THEMIS: variants seen among roughly 807,000 people sequenced by gnomAD.
THEMIS encodes thymocyte selection associated.
In THEMIS, 37 loss-of-function variants were observed where a neutral mutation model predicts 52.6. That is an observed-to-expected ratio of 0.70 (90% CI 0.54 to 0.93). THEMIS has a LOEUF of 0.93. Among genes scored for constraint, THEMIS ranks in the 40% least tolerant of loss-of-function variants. THEMIS has a pLI of 0.00. For missense variants in THEMIS, 808 were observed against 763.1 expected (o/e 1.06, Z -0.69); for synonymous variants, 292 against 272.7 (o/e 1.07, Z -0.70).
intron 4 of THEMIS, among the ~76,000 whole-genome samples, chr6:127,752,963 A>T (rs1480998820): frequency 6.6e-6 from 1 of 151,936 alleles, no homozygotes; most frequent in East Asian, 1.9e-4. Context: ...TTTAAAAATC[A>T]TTCACTATGA....
At chr6:127,772,446 A>T (rs1422132863) in intron 4 of THEMIS, among the ~76,000 whole-genome samples, 1 of 152,018 alleles carries the variant, frequency 6.6e-6, no homozygotes, top group Non-Finnish European at 1.5e-5. Flanking sequence ...TTTCTCCTCA[A>T]CATACAATGG....
At chr6:127,757,067 T>C (rs1457451010) in intron 4 of THEMIS, among the ~76,000 whole-genome samples, 4 of 152,234 alleles carry the variant, frequency 2.6e-5, no homozygotes, top group East Asian at 3.8e-4. Context: ...AAAAATGTTC[T>C]ATATCTGTTT....
intron 1 of THEMIS, among the ~76,000 whole-genome samples, chr6:127,916,950 C>T (rs980085318): frequency 2.6e-5 from 4 of 152,178 alleles, no homozygotes; most frequent in Admixed American, 2.6e-4. Context: ...GGACAGTACA[C>T]TTAGGCTCAA....
chr6:127,888,419 G>C (rs1218592002), intron 1 of THEMIS, among the ~76,000 whole-genome samples: 1 of 152,062 alleles, frequency 6.6e-6, no homozygotes, highest in African/African-American at 2.4e-5. Flanking sequence ...GAACTAAGGG[G>C]ATAAATGGAA....
chr6:127,776,534 C>G (rs952896610), intron 4 of THEMIS, among the ~76,000 whole-genome samples: 1 of 152,146 alleles, frequency 6.6e-6, no homozygotes, highest in African/African-American at 2.4e-5. Flanking sequence ...AAAGTAGAAC[C>G]CCTCTGAGTC....
chr6:127,731,406 T>C (rs1383086009), intron 4 of THEMIS, among the ~76,000 whole-genome samples: 1 of 152,092 alleles, frequency 6.6e-6, no homozygotes, highest in African/African-American at 2.4e-5. Context: ...AACAGAACTC[T>C]CATGCAACTT....
intron 4 of THEMIS, among the ~76,000 whole-genome samples, chr6:127,762,398 T>C (rs1776051222): frequency 6.6e-6 from 1 of 152,096 alleles, no homozygotes; most frequent in African/African-American, 2.4e-5. Context: ...TCATGTCTTC[T>C]TACCAGAACT....
At chr6:127,752,089 G>A (rs970856765) in intron 4 of THEMIS, among the ~76,000 whole-genome samples, 1 of 151,476 alleles carries the variant, frequency 6.6e-6, no homozygotes, top group Non-Finnish European at 1.5e-5. Context: ...AATCAAAAGG[G>A]ATATCAAAAC....
chr6:127,724,063 G>A (rs1286687078), intron 4 of THEMIS, among the ~76,000 whole-genome samples: 1 of 151,946 alleles, frequency 6.6e-6, no homozygotes, highest in African/African-American at 2.4e-5. Context: ...GTTATCAGTG[G>A]CCAGTATATA....
intron 4 of THEMIS, among the ~76,000 whole-genome samples, chr6:127,785,105 TCTAC>T (rs773650705): frequency 3.9e-5 from 6 of 151,940 alleles, no homozygotes; most frequent in Non-Finnish European, 7.4e-5. Flanking sequence ...CTGTCATCTA[TCTAC>T]CTACCTAATC....
intron 3 of THEMIS, among the ~76,000 whole-genome samples, chr6:127,825,606 G>A (rs892026827): frequency 3.9e-5 from 6 of 152,186 alleles, no homozygotes; most frequent in Non-Finnish European, 7.3e-5. Context: ...GAAATAGCTA[G>A]TCAACACAGA....
Position 127,829,917 on chromosome 6 carries a change from C to T in THEMIS, c.268G>A (p.Ala90Thr). Residue 90 changes from alanine to threonine, a missense_variant, in exon 3 of 6, where the codon GCT becomes ACT. Ala to Thr is a moderately conservative substitution (Grantham distance 58). Coordinates refer to ENST00000368248, the MANE Select transcript of THEMIS (RefSeq NM_001010923.3). ...MNFPGLFKIV[A>T]DKTPYLTMEE... ...ATAGTAAGGTATGGAGTTTTATCAG[C>T]CACAATCTTAAAAAGACCTAAGAAC... is the stretch of plus-strand genomic sequence containing the variant. 6.2e-7 allele frequency: 1 copy of T among 1,609,634 alleles called. No homozygotes were observed. Among genetic ancestry groups the T allele is most frequent in the South Asian group, 1.1e-5 (1 of 90,406 alleles).
intron 1 of THEMIS, among the ~76,000 whole-genome samples, chr6:127,865,129 C>A (rs1210716761): frequency 6.6e-6 from 1 of 152,152 alleles, no homozygotes; most frequent in Admixed American, 6.6e-5. Context: ...ACCTTAACTA[C>A]TAAATATGCA....
intron 1 of THEMIS, among the ~76,000 whole-genome samples, chr6:127,899,182 T>A (rs1781060191): frequency 1.3e-5 from 2 of 151,880 alleles, no homozygotes; most frequent in Non-Finnish European, 2.9e-5. Context: ...TCCCCATTAC[T>A]CTGACTTGAT....
chr6:127,898,201 A>G (rs542792070), intron 1 of THEMIS, among the ~76,000 whole-genome samples: 1 of 151,876 alleles, frequency 6.6e-6, no homozygotes, highest in East Asian at 1.9e-4. Context: ...ATGTGTTTAC[A>G]CTGTGAAAAT....
intron 4 of THEMIS, among the ~76,000 whole-genome samples, chr6:127,758,877 T>C (rs1460897607): frequency 1.3e-5 from 2 of 152,110 alleles, no homozygotes. Flanking sequence ...GACTTTTGAG[T>C]CCAAAATTGT....
At chr6:127,821,241 G>A (rs1033863437) in intron 3 of THEMIS, among the ~76,000 whole-genome samples, 4 of 151,730 alleles carry the variant, frequency 2.6e-5, no homozygotes, top group African/African-American at 9.7e-5. Context: ...TGGGAAAATG[G>A]AATTTCCTCC....
chr6:127,914,759 G>T (rs1023732147), intron 1 of THEMIS, among the ~76,000 whole-genome samples: 1 of 152,178 alleles, frequency 6.6e-6, no homozygotes, highest in Non-Finnish European at 1.5e-5. Context: ...GACATTTGCC[G>T]CCTTTGTTCC....
chr6:127,806,761 A>G (rs1284252652), intron 4 of THEMIS, among the ~76,000 whole-genome samples: 2 of 152,240 alleles, frequency 1.3e-5, no homozygotes, highest in African/African-American at 4.8e-5. Flanking sequence ...GCCTAGAGCA[A>G]AACTAAAATT....
Sources: allele counts gnomAD v4.1 joint callset (sites outside exome capture counted in the v4.1 genomes callset), GRCh38; gene constraint gnomAD v4.1.1; transcripts MANE v1.5; gene names NCBI Gene and HGNC (gene_info 2026-07-23, HGNC 2026-07-21).